CCDC171: variants seen among roughly 807,000 people sequenced by gnomAD.
CCDC171 encodes coiled-coil domain-containing protein 171.
A neutral mutation model predicts 168.2 loss-of-function variants in CCDC171; 177 were observed. That is an observed-to-expected ratio of 1.05 (90% confidence interval 0.93 to 1.19). CCDC171 has a LOEUF of 1.19. CCDC171 is among the 50% of genes most tolerant of loss of function. The pLI, the probability that CCDC171 is intolerant of heterozygous loss-of-function variation, is 0.00. For synonymous variants in CCDC171, 687 were observed against 540.8 expected (o/e 1.27, Z -3.75); for missense variants, 1,991 against 1,539.0 (o/e 1.29, Z -4.91).
At chr9:15,709,373 G>C (rs778671353) in intron 11 of CCDC171, among the ~76,000 whole-genome samples, 20 of 152,098 alleles carry the variant, frequency 1.3e-4, no homozygotes, top group Non-Finnish European at 2.2e-4. Flanking sequence ...TGGTGATTTG[G>C]AGGACAAAAT....
intron 21 of CCDC171, among the ~76,000 whole-genome samples, chr9:15,838,142 C>T (rs945982826): frequency 6.6e-6 from 1 of 152,036 alleles, no homozygotes. Context: ...AAATATATGG[C>T]TAGAATGTGC....
At chr9:16,093,822 A>G in the CCDC171 span, among the ~76,000 whole-genome samples, 1 of 152,196 alleles carries the variant, frequency 6.6e-6, no homozygotes, top group Admixed American at 6.5e-5. Context: ...ATAGACCCAT[A>G]TGCCACAACT....
At chr9:15,778,643 CAAAAAAAA>C (rs527592822) in intron 19 of CCDC171, among the ~76,000 whole-genome samples, 2 of 58,794 alleles carry the variant, frequency 3.4e-5, no homozygotes, top group East Asian at 1.4e-3. Flanking sequence ...AAGACTGTCT[CAAAAAAAA>C]AAAAAAAAAA....
At chr9:16,089,618 C>A in the CCDC171 span, among the ~76,000 whole-genome samples, 1 of 151,784 alleles carries the variant, frequency 6.6e-6, no homozygotes, top group Non-Finnish European at 1.5e-5. Context: ...TTCCCAACAC[C>A]ATTTATTAAA....
At chr9:15,677,911 T>TATATAC (rs2049734318) in intron 9 of CCDC171, among the ~76,000 whole-genome samples, 1 of 27,694 alleles carries the variant, frequency 3.6e-5, no homozygotes, top group Non-Finnish European at 6.0e-5. Flanking sequence ...TATATATATA[T>TATATAC]ATATATATAT....
chr9:16,079,210 G>T, the CCDC171 span, among the ~76,000 whole-genome samples: 2 of 152,154 alleles, frequency 1.3e-5, no homozygotes, highest in Non-Finnish European at 2.9e-5. Context: ...TCTGATCCAC[G>T]GGCCATCTGA....
Position 15,852,252 on chromosome 9 carries a change from A to G in CCDC171, c.3468+3305A>G, listed in dbSNP as rs79844979. 1.8e-3 allele frequency among the ~76,000 whole-genome samples: 273 copies of G among 151,840 alleles called. 2 individuals are homozygous for G. Among genetic ancestry groups the G allele is most frequent in the African/African-American group, 6.2e-3 (256 of 41,518 alleles). ...ATCCTTGCTCACACTTGTTAGTTTCAATTTTTGTTAATGGCCATCCTAGTG... is the reference window on the plus strand; with the variant it reads ...ATCCTTGCTCACACTTGTTAGTTTCGATTTTTGTTAATGGCCATCCTAGTG... On this transcript the variant is annotated intron_variant, in intron 23 of 25. Transcript: ENST00000380701.
intron 21 of CCDC171, among the ~76,000 whole-genome samples, chr9:15,805,716 A>G (rs887939099): frequency 5.3e-5 from 8 of 152,136 alleles, no homozygotes; most frequent in Non-Finnish European, 1.0e-4. Context: ...AGAAGACTGT[A>G]TATTCTGTTG....
At chr9:16,078,918 C>G in the CCDC171 span, among the ~76,000 whole-genome samples, 1 of 152,176 alleles carries the variant, frequency 6.6e-6, no homozygotes, top group African/African-American at 2.4e-5. Context: ...AATGCTGAAT[C>G]AGGAAGGCAG....
At chr9:15,705,122 TCTCA>T (rs374447600) in intron 11 of CCDC171, among the ~76,000 whole-genome samples, 3 of 77,464 alleles carry the variant, frequency 3.9e-5, no homozygotes, top group African/African-American at 7.3e-5. Context: ...ACACACACAC[TCTCA>T]CTCACTCAGA....
intron 6 of CCDC171, 32 bp from the exon 7 acceptor site, chr9:15,623,235 C>T (rs780903016): frequency 6.6e-7 from 1 of 1,523,182 alleles, no homozygotes; most frequent in Non-Finnish European, 8.9e-7. Flanking sequence ...GGCTTATAAA[C>T]TTTATTGATG....
At chr9:15,874,743 A>C (rs1817623736) in intron 24 of CCDC171, 80 bp downstream of exon 24, 1 of 1,319,664 alleles carries the variant, frequency 7.6e-7, no homozygotes, top group African/African-American at 1.5e-5. Flanking sequence ...TGAAAGCCTC[A>C]AAGTATTGTG....
intron 4 of CCDC171, among the ~76,000 whole-genome samples, chr9:15,583,316 G>C (rs2041282632): frequency 6.6e-6 from 1 of 151,116 alleles, no homozygotes; most frequent in South Asian, 2.1e-4. Flanking sequence ...TTGGGAGGCT[G>C]AGGCAGAATA....
At chr9:15,913,351 A>G (rs1823997370) in intron 24 of CCDC171, among the ~76,000 whole-genome samples, 1 of 152,050 alleles carries the variant, frequency 6.6e-6, no homozygotes, top group Non-Finnish European at 1.5e-5. Context: ...GGTAGTTTGT[A>G]TTTCTGTGGG....
At chr9:16,026,463 GC>G (rs1262487156) in intron 6 of CCDC171, among the ~76,000 whole-genome samples, 1 of 152,136 alleles carries the variant, frequency 6.6e-6, no homozygotes, top group Non-Finnish European at 1.5e-5. Context: ...CACCTCAAGG[GC>G]CCTTGCTCCT....
chr9:16,060,227 T>C (rs1833910459), intron 1 of CCDC171, among the ~76,000 whole-genome samples: 1 of 152,064 alleles, frequency 6.6e-6, no homozygotes, highest in African/African-American at 2.4e-5. Flanking sequence ...TTTTGACAAA[T>C]GATTTGGGGA....
At chr9:15,636,780 ATAGAGT>A (rs1457389008) in intron 7 of CCDC171, among the ~76,000 whole-genome samples, 1 of 147,760 alleles carries the variant, frequency 6.8e-6, no homozygotes, top group Non-Finnish European at 1.5e-5. Context: ...AAGGTTTAGG[ATAGAGT>A]TAATGTTCTG....
At chr9:15,955,103 A>T (rs368398230) in intron 25 of CCDC171, among the ~76,000 whole-genome samples, 74 of 152,214 alleles carry the variant, frequency 4.9e-4, no homozygotes, top group African/African-American at 1.4e-3. Flanking sequence ...CTGATTTTTT[A>T]AAAAATTGCT....
chr9:15,899,978 AT>A (rs1279248627), intron 24 of CCDC171, among the ~76,000 whole-genome samples: 1 of 152,154 alleles, frequency 6.6e-6, no homozygotes, highest in African/African-American at 2.4e-5. Flanking sequence ...TAAAAGTTTC[AT>A]AGCTTTATGT....
Sources: allele counts gnomAD v4.1 joint callset (sites outside exome capture counted in the v4.1 genomes callset), GRCh38; gene constraint gnomAD v4.1.1; transcripts MANE v1.5; gene names NCBI Gene and HGNC (gene_info 2026-07-23, HGNC 2026-07-21).